IFT88: variants seen among roughly 807,000 people sequenced by gnomAD.
IFT88 encodes intraflagellar transport 88, also known as intraflagellar transport protein 88 homolog.
Under a neutral mutation model 119.5 loss-of-function variants are expected in IFT88, and 74 were observed. The observed-to-expected ratio is 0.62, with a 90% CI of 0.51 to 0.75. IFT88 has a LOEUF of 0.75. IFT88 is among the 30% of genes least tolerant of loss of function. The pLI is 0.00. For missense variants in IFT88, 961 were observed against 977.7 expected (o/e 0.98, Z 0.23); for synonymous variants, 279 against 316.7 (o/e 0.88, Z 1.26).
At chr13:20,600,210 A>G (rs922585557) in intron 11 of IFT88, among the ~76,000 whole-genome samples, 4 of 152,176 alleles carry the variant, frequency 2.6e-5, no homozygotes, top group African/African-American at 9.6e-5. Context: ...AATATTATCT[A>G]ACTTACAGAA....
At chr13:20,577,871 T>G (rs532174586) in intron 2 of IFT88, among the ~76,000 whole-genome samples, 6 of 152,108 alleles carry the variant, frequency 3.9e-5, no homozygotes, top group Non-Finnish European at 8.8e-5. Context: ...CCTTATAGAA[T>G]GAGTTTGGAA....
chr13:20,578,852 C>A (rs575754811), intron 2 of IFT88, among the ~76,000 whole-genome samples: 25 of 152,268 alleles, frequency 1.6e-4, no homozygotes, highest in Admixed American at 1.6e-3. Context: ...TCCAGCCGAT[C>A]CTTCACATTT....
chr13:20,678,657 A>G (rs1466977762), intron 24 of IFT88, among the ~76,000 whole-genome samples: 1 of 152,216 alleles, frequency 6.6e-6, no homozygotes, highest in African/African-American at 2.4e-5. Flanking sequence ...AACAACTTCT[A>G]GCAGTGTGTG....
intron 16 of IFT88, among the ~76,000 whole-genome samples, chr13:20,636,643 A>T (rs2049057024): frequency 6.6e-6 from 1 of 152,226 alleles, no homozygotes; most frequent in Non-Finnish European, 1.5e-5. Context: ...CCAGCCTCTG[A>T]TGATTCCTTC....
chr13:20,585,692 A>G (rs1449658995), intron 3 of IFT88, among the ~76,000 whole-genome samples: 1 of 151,932 alleles, frequency 6.6e-6, no homozygotes, highest in African/African-American at 2.4e-5. Context: ...AAACAAAGAC[A>G]CTCCCGTCAG....
intron 2 of IFT88, among the ~76,000 whole-genome samples, chr13:20,580,331 A>G (rs1345508027): frequency 1.3e-5 from 2 of 152,142 alleles, no homozygotes; most frequent in African/African-American, 4.8e-5. Context: ...CAGCCTGACC[A>G]ACATGGTGAA....
chr13:20,603,069 C>G (rs956387554), intron 12 of IFT88, among the ~76,000 whole-genome samples: 2 of 152,096 alleles, frequency 1.3e-5, no homozygotes, highest in Non-Finnish European at 2.9e-5. Context: ...ACAGTAGTTT[C>G]TGAGCTATGA....
chr13:20,667,985 A>G (rs979361071), intron 23 of IFT88, among the ~76,000 whole-genome samples: 3 of 150,244 alleles, frequency 2.0e-5, no homozygotes, highest in East Asian at 1.9e-4. Flanking sequence ...AGTCACTTAC[A>G]TAGCAGTCAA....
At chr13:20,579,200 G>C (rs1051103430) in intron 2 of IFT88, among the ~76,000 whole-genome samples, 1 of 152,140 alleles carries the variant, frequency 6.6e-6, no homozygotes, top group Non-Finnish European at 1.5e-5. Context: ...AGCTTTTGGT[G>C]AAACCAGCCA....
intron 7 of IFT88, among the ~76,000 whole-genome samples, chr13:20,593,459 G>A (rs557167172): frequency 6.6e-6 from 1 of 151,806 alleles, no homozygotes; most frequent in East Asian, 1.9e-4. Context: ...TCTGGAACTA[G>A]AACTGGAATT....
chr13:20,592,198 T>C, intron 6 of IFT88, 137 bp from the exon 7 acceptor site: 1 of 673,692 alleles, frequency 1.5e-6, no homozygotes, highest in Non-Finnish European at 2.5e-6. Context: ...CAATGTTATC[T>C]CCATTTAATA....
intron 24 of IFT88, among the ~76,000 whole-genome samples, chr13:20,677,568 G>A (rs2056830184): frequency 2.6e-5 from 4 of 152,174 alleles, no homozygotes; most frequent in Admixed American, 2.6e-4. Flanking sequence ...CCATTTGCAA[G>A]TCAGATTACA....
At chr13:20,642,776 T>A (rs1032188856) in intron 18 of IFT88, 6 of 152,114 alleles carry the variant, frequency 3.9e-5, no homozygotes, top group African/African-American at 1.2e-4. Context: ...TTTGAGTACA[T>A]TTTCTTTTTT....
At chr13:20,583,041 T>A (rs571378775) in intron 3 of IFT88, 22 bp downstream of exon 3, 80 of 1,458,972 alleles carry the variant, frequency 5.5e-5, no homozygotes, top group Middle Eastern at 3.5e-4. Context: ...AAATTTTTTT[T>A]AAATTGTGGT....
intron 12 of IFT88, among the ~76,000 whole-genome samples, chr13:20,603,131 G>A (rs1457105323): frequency 6.6e-6 from 1 of 152,096 alleles, no homozygotes; most frequent in Non-Finnish European, 1.5e-5. Context: ...TAAAATATTG[G>A]CATACTGTAT....
intron 16 of IFT88, among the ~76,000 whole-genome samples, chr13:20,637,250 A>G (rs935095103): frequency 7.9e-5 from 12 of 152,228 alleles, no homozygotes; most frequent in African/African-American, 2.9e-4. Flanking sequence ...ACAGAATTCT[A>G]CATTTTAAAG....
intron 20 of IFT88, among the ~76,000 whole-genome samples, chr13:20,647,368 G>A (rs916950576): frequency 2.6e-5 from 4 of 152,082 alleles, no homozygotes; most frequent in African/African-American, 9.7e-5. Flanking sequence ...GGCTTTTTGA[G>A]AAGTGAGAGT....
At chr13:20,599,915 G>C (rs572794414) in intron 11 of IFT88, among the ~76,000 whole-genome samples, 31 of 151,774 alleles carry the variant, frequency 2.0e-4, no homozygotes, top group African/African-American at 7.2e-4. Flanking sequence ...CTCCCCTTAC[G>C]TTCTTGCTGT....
At chr13:20,621,239 G>C (rs1027286666) in intron 14 of IFT88, among the ~76,000 whole-genome samples, 1 of 151,986 alleles carries the variant, frequency 6.6e-6, no homozygotes, top group East Asian at 1.9e-4. Context: ...GCAAAGTTTT[G>C]TATTTTTAGT....
Sources: allele counts gnomAD v4.1 joint callset (sites outside exome capture counted in the v4.1 genomes callset), GRCh38; gene constraint gnomAD v4.1.1; transcripts MANE v1.5; gene names NCBI Gene and HGNC (gene_info 2026-07-23, HGNC 2026-07-21).